The following CRB1 variants were observed in gnomAD, a reference collection of about 807,000 sequenced individuals.
CRB1 encodes the protein protein crumbs homolog 1.
Under a neutral mutation model 120.0 loss-of-function variants are expected in CRB1, and 83 were observed. The ratio of observed to expected loss-of-function variants is 0.69; its 90% CI spans 0.58 to 0.83. The LOEUF (loss-of-function observed/expected upper bound fraction) is 0.83. Among genes scored for constraint, CRB1 ranks in the 40% least tolerant of loss-of-function variants. CRB1 has a pLI of 0.00. For missense variants in CRB1, 1,699 were observed against 1,687.6 expected (o/e 1.01, Z -0.12); for synonymous variants, 625 against 612.5 (o/e 1.02, Z -0.30).
the CRB1 span, among the ~76,000 whole-genome samples, chr1:197,248,105 AGT>A: frequency 6.6e-6 from 1 of 151,974 alleles, no homozygotes; most frequent in African/African-American, 2.4e-5. Flanking sequence ...TCCAATTATA[AGT>A]GTGTATTAAG....
intron 5 of CRB1, among the ~76,000 whole-genome samples, chr1:197,415,681 C>T (rs1268838168): frequency 2.4e-5 from 3 of 126,258 alleles, no homozygotes; most frequent in Admixed American, 2.1e-4. Context: ...CTCACTCTGT[C>T]GCCCAGGCTG....
At chr1:197,246,344 G>A in the CRB1 span, among the ~76,000 whole-genome samples, 3 of 152,006 alleles carry the variant, frequency 2.0e-5, no homozygotes, top group Non-Finnish European at 2.9e-5. Flanking sequence ...GCTAAGGAGA[G>A]GAGGCTTTAT....
At chr1:197,305,165 T>A (rs948415271) in intron 1 of CRB1, among the ~76,000 whole-genome samples, 1 of 152,188 alleles carries the variant, frequency 6.6e-6, no homozygotes, top group African/African-American at 2.4e-5. Flanking sequence ...CTTAGGTTAC[T>A]GGGGAACTTG....
chr1:197,328,667 A>T lies in CRB1; in HGVS notation c.316A>T (p.Ile106Phe). ...ATGTCCTCCTGGGTACAGTGGGACA[A>T]TCTGTGAAACTACCATTGGTTCCTG... is the stretch of plus-strand genomic sequence containing the variant. Reference protein sequence around the residue: ...CKCPPGYSGTICETTIGSCGK... With the variant: ...CKCPPGYSGTFCETTIGSCGK... Residue 106 changes from isoleucine (I) to phenylalanine (F), a missense_variant, in exon 2 of 12, where the codon ATC becomes TTC. By Grantham distance (21) the Ile-to-Phe change is conservative (BLOSUM62 0). Coordinates refer to ENST00000367400, the MANE Select transcript of CRB1 (RefSeq NM_201253.3). The T allele has an allele frequency of 6.2e-7, 1 of 1,614,070 alleles. No homozygotes were observed.
chr1:197,214,043 G>A, the CRB1 span, among the ~76,000 whole-genome samples: 1 of 151,790 alleles, frequency 6.6e-6, no homozygotes, highest in Admixed American at 6.6e-5. Context: ...AAAGATAAGA[G>A]CCAAAATAAA....
chr1:197,458,066 C>T (rs1348679986), intron 11 of CRB1, among the ~76,000 whole-genome samples: 1 of 152,064 alleles, frequency 6.6e-6, no homozygotes, highest in African/African-American at 2.4e-5. Context: ...AAGCCATAAC[C>T]TTCCTCAGGG....
rs545837623 is a variant in CRB1 at position 197,474,046 on chromosome 1, C to A, written c.4006-3618C>A. Among the ~76,000 whole-genome samples, 7 of 152,232 alleles carry A rather than the reference C, an allele frequency of 4.6e-5. No homozygotes were observed. In the South Asian group the frequency reaches 1.5e-3, roughly 32 times the overall value. ...AATATTAGGTTTGTAGGTTGGCTCCCTTGGTCATACTGCAACGTCCTGAGG... is the reference window on the plus strand; with the variant it reads ...AATATTAGGTTTGTAGGTTGGCTCCATTGGTCATACTGCAACGTCCTGAGG... On this transcript the variant is annotated intron_variant, in intron 11 of 11. Coordinates refer to ENST00000367400, the MANE Select transcript of CRB1 (RefSeq NM_201253.3).
At chr1:197,262,833 A>G in the CRB1 span, among the ~76,000 whole-genome samples, 5 of 152,174 alleles carry the variant, frequency 3.3e-5, no homozygotes, top group Non-Finnish European at 5.9e-5. Context: ...CTGCAGCTGC[A>G]TCTATGTTCT....
intron 8 of CRB1, among the ~76,000 whole-genome samples, chr1:197,432,357 AAC>A (rs35921087): frequency 0.16 from 22,111 of 139,408 alleles, 1,740 homozygotes; most frequent in African/African-American, 0.18. Context: ...ACCTGGTTGA[AAC>A]ACACACACAC....
chr1:197,425,079 G>T (rs1216760643), intron 6 of CRB1, among the ~76,000 whole-genome samples: 1 of 152,116 alleles, frequency 6.6e-6, no homozygotes, highest in African/African-American at 2.4e-5. Flanking sequence ...AGGCATCCTG[G>T]GATGACCAGC....
intron 5 of CRB1, among the ~76,000 whole-genome samples, chr1:197,388,434 T>A (rs1662331524): frequency 6.6e-6 from 1 of 152,048 alleles, no homozygotes. Flanking sequence ...TTTAAGAATG[T>A]CAAAAATCTC....
chr1:197,360,975 AT>A (rs1269973907), intron 5 of CRB1, among the ~76,000 whole-genome samples: 25 of 152,304 alleles, frequency 1.6e-4, no homozygotes, highest in African/African-American at 6.0e-4. Flanking sequence ...ATAAATGGGT[AT>A]TGCATTTGGT....
At chr1:197,366,647 G>T (rs1661091757) in intron 5 of CRB1, among the ~76,000 whole-genome samples, 1 of 152,170 alleles carries the variant, frequency 6.6e-6, no homozygotes, top group Non-Finnish European at 1.5e-5. Context: ...GACCATGGAA[G>T]ATGACAAATG....
At chr1:197,412,333 A>G (rs1663754338) in intron 5 of CRB1, among the ~76,000 whole-genome samples, 1 of 152,216 alleles carries the variant, frequency 6.6e-6, no homozygotes, top group Non-Finnish European at 1.5e-5. Context: ...AAGCATTTAT[A>G]GTTATCTCAT....
At chr1:197,358,485 T>C (rs1660601979) in intron 5 of CRB1, among the ~76,000 whole-genome samples, 1 of 152,226 alleles carries the variant, frequency 6.6e-6, no homozygotes, top group Non-Finnish European at 1.5e-5. Context: ...GCTTGATTTC[T>C]GAAGAGCTGC....
At position 197,421,765 on chromosome 1, in the gene CRB1, T is replaced by C. The variant is rs142002146; in HGVS notation, c.1937T>C (p.Ile646Thr). 1 of 1,614,204 alleles carries C rather than the reference T, an allele frequency of 6.2e-7. No individual in the cohort carries two copies. The highest frequency in any genetic ancestry group is 1.1e-5 in the South Asian group (1 of 91,084). Residue 646 changes from isoleucine (I) to threonine (T), a missense_variant, in exon 6 of 12, where the codon ATT (isoleucine) becomes ACT (threonine). By Grantham distance (89) the Ile-to-Thr change is moderately conservative. Transcript: ENST00000367400. ...TCGTTTGTAGGCTGTCTCCAAGACA[T>C]TAAAATTGATTGGAATCACATTACC... ...TPSFVGCLQD[I>T]KIDWNHITLE... is the part of the protein sequence containing the mutation.
chr1:197,247,101 C>A, the CRB1 span, among the ~76,000 whole-genome samples: 1 of 152,018 alleles, frequency 6.6e-6, no homozygotes, highest in Non-Finnish European at 1.5e-5. Context: ...AAATGCTACT[C>A]AGTTAAGGTT....
At chr1:197,427,416 C>G in intron 6 of CRB1, 38 bp from the exon 7 acceptor site, 1 of 1,582,650 alleles carries the variant, frequency 6.3e-7, no homozygotes, top group Non-Finnish European at 8.7e-7. Flanking sequence ...TAAGATGTTT[C>G]TTTTTTTTTC....
intron 5 of CRB1, among the ~76,000 whole-genome samples, chr1:197,364,932 G>A (rs945928950): frequency 6.6e-6 from 1 of 152,022 alleles, no homozygotes; most frequent in African/African-American, 2.4e-5. Flanking sequence ...ACTGATCCTT[G>A]TGATGACATG....
Sources: allele counts gnomAD v4.1 joint callset (sites outside exome capture counted in the v4.1 genomes callset), GRCh38; gene constraint gnomAD v4.1.1; transcripts MANE v1.5; gene names NCBI Gene and HGNC (gene_info 2026-07-23, HGNC 2026-07-21).